The following RARA variants were observed in gnomAD, a reference collection of about 807,000 sequenced individuals.
RARA encodes the protein retinoic acid receptor alpha.
RARA carries 5 observed loss-of-function variants against 42.8 expected under a neutral mutation model. That is an observed-to-expected ratio of 0.12 (90% confidence interval 0.06 to 0.25). The LOEUF is 0.25. Among genes scored for constraint, RARA ranks in the 10% least tolerant of loss-of-function variants. The pLI, the probability that RARA is intolerant of heterozygous loss-of-function variation, is 1.00. For missense variants in RARA, 402 were observed against 628.7 expected (o/e 0.64, Z 3.86); for synonymous variants, 256 against 259.5 (o/e 0.99, Z 0.13).
intron 4 of RARA, among the ~76,000 whole-genome samples, chr17:40,350,786 A>G (rs2034418916): frequency 6.6e-6 from 1 of 150,950 alleles, no homozygotes; most frequent in Non-Finnish European, 1.5e-5. Flanking sequence ...GTCCTGCCAC[A>G]GGAGGCTGGG....
intron 2 of RARA, chr17:40,341,146 A>C: frequency 2.3e-6 from 1 of 434,818 alleles, no homozygotes; most frequent in Non-Finnish European, 3.9e-6. Flanking sequence ...TCTTCCAGTG[A>C]AACGTGCATC....
At chr17:40,343,096 CTTCTT>C in intron 2 of RARA, 2 of 767,868 alleles carry the variant, frequency 2.6e-6, no homozygotes, top group Non-Finnish European at 3.6e-6. Flanking sequence ...TTGAGAGTTC[CTTCTT>C]TCAAGCAACA....
intron 2 of RARA, 130 bp from the exon 3 acceptor site, chr17:40,348,186 A>G: frequency 8.2e-7 from 1 of 1,220,188 alleles, no homozygotes; most frequent in Non-Finnish European, 1.1e-6. Context: ...CAGTTTTCTT[A>G]AGACTTGAAT....
chr17:40,354,579 C>G lies in RARA; in HGVS notation c.1012+73C>G, dbSNP rs935298308. ...GCCCTGGAGTCTCTTCCAGGGAGCT[C>G]TTTCAGGCCACCTCTGTTAGGTATC... On this transcript the variant is annotated intron_variant, in intron 7 of 8. Coordinates refer to ENST00000254066, the MANE Select transcript of RARA (RefSeq NM_000964.4). This position sits in a 1 kb window ranked among gnomAD's most constrained non-coding sequence, Gnocchi z 4.5. 2.0e-6 allele frequency: 3 copies of G among 1,518,682 alleles called. No individual in the cohort carries two copies. The highest frequency in any genetic ancestry group is 2.7e-5 in the African/African-American group (2 of 72,996). 94.1% of individuals were successfully genotyped at this position (1,518,682 alleles called of 1,614,324 possible).
At chr17:40,315,132 GTATATATATATATATATATATATATATA>G (rs71356657) in intron 1 of RARA, among the ~76,000 whole-genome samples, 5 of 64,194 alleles carry the variant, frequency 7.8e-5, no homozygotes, top group Non-Finnish European at 1.4e-4. Flanking sequence ...GCTTATATGT[GTATATATATATATATATATATATATATA>G]TATATATATA....
At position 40,331,415 on chromosome 17, in the gene RARA, G is replaced by C; in HGVS notation, c.178+19G>C. 6.2e-7 allele frequency: 1 copy of C among 1,607,960 alleles called. No individual in the cohort carries two copies. The highest frequency in any genetic ancestry group is 8.5e-7 in the Non-Finnish European group (1 of 1,176,808). On this transcript the variant is annotated intron_variant, in intron 2 of 8. Coordinates refer to ENST00000254066, the MANE Select transcript of RARA (RefSeq NM_000964.4). ...CCAGCCAGTAAGTCTGGGTGTGGGG[G>C]CTGGGGTGGGAAGGGACTGTGGAGG...
At position 40,351,802 on chromosome 17, in the gene RARA, C is replaced by T; in HGVS notation, c.470-108C>T. The T allele has an allele frequency of 2.1e-6, 3 of 1,444,744 alleles. No individual in the cohort carries two copies. Among genetic ancestry groups the T allele is most frequent in the Non-Finnish European group, 2.8e-6 (3 of 1,075,154 alleles). The allele number at this position is 1,444,744 out of a possible 1,614,324, so 89.5% of individuals were successfully genotyped here. ...AACGCGTGCTGTGTGCGCGTGCTTA[C>T]AAGCCTGGGTGACCTCCTCAGCAGC... On this transcript the variant is annotated intron_variant, in intron 4 of 8. Coordinates refer to ENST00000254066, the MANE Select transcript of RARA (RefSeq NM_000964.4). The surrounding 1 kb of genome is among the most constrained non-coding windows in gnomAD (Gnocchi z 4.1).
chr17:40,349,587 A>G, intron 3 of RARA, 197 bp from the exon 4 acceptor site: 1 of 612,260 alleles, frequency 1.6e-6, no homozygotes, highest in South Asian at 2.0e-5. Flanking sequence ...GTGTTGAGGC[A>G]GGTACTGGGA....
At chr17:40,343,792 C>T (rs2034157822) in intron 2 of RARA, among the ~76,000 whole-genome samples, 1 of 152,102 alleles carries the variant, frequency 6.6e-6, no homozygotes, top group Non-Finnish European at 1.5e-5. Flanking sequence ...ATCCTGGCAG[C>T]CTGGTCACTT....
chr17:40,313,490 C>T (rs1567742162), intron 1 of RARA, among the ~76,000 whole-genome samples: 3 of 152,304 alleles, frequency 2.0e-5, no homozygotes, highest in East Asian at 3.9e-4. Flanking sequence ...GGCCACCATG[C>T]TGCACAGCTG....
intron 2 of RARA, among the ~76,000 whole-genome samples, chr17:40,339,065 C>T (rs1030204626): frequency 2.0e-5 from 3 of 152,206 alleles, no homozygotes; most frequent in African/African-American, 4.8e-5. Flanking sequence ...TCTAATCTCT[C>T]CTTGGCTGGG....
At chr17:40,350,894 C>G (rs1223619735) in intron 4 of RARA, among the ~76,000 whole-genome samples, 1 of 151,946 alleles carries the variant, frequency 6.6e-6, no homozygotes, top group Non-Finnish European at 1.5e-5. Flanking sequence ...GGGCTGTCAC[C>G]TCCTCCTCTC....
chr17:40,349,663 C>T (rs2034379262), intron 3 of RARA, 121 bp from the exon 4 acceptor site: 8 of 1,298,564 alleles, frequency 6.2e-6, no homozygotes, highest in Middle Eastern at 2.5e-4. Context: ...CTCAGGTAGG[C>T]GATGGGCAAA....
intron 1 of RARA, among the ~76,000 whole-genome samples, chr17:40,324,160 C>T (rs967711291): frequency 1.3e-5 from 2 of 152,208 alleles, no homozygotes; most frequent in Non-Finnish European, 2.9e-5. Context: ...GATGTGAGGT[C>T]GGTGGTTTCC....
At chr17:40,324,992 C>G (rs935084163) in intron 1 of RARA, among the ~76,000 whole-genome samples, 1 of 152,124 alleles carries the variant, frequency 6.6e-6, no homozygotes, top group Non-Finnish European at 1.5e-5. Flanking sequence ...GTGGCTCACG[C>G]CTGTAATCCC....
chr17:40,315,541 G>A (rs2033195813), intron 1 of RARA, among the ~76,000 whole-genome samples: 2 of 152,094 alleles, frequency 1.3e-5, no homozygotes, highest in South Asian at 4.1e-4. Context: ...GGAGGCTTGG[G>A]AGGGGAAGAG....
intron 2 of RARA, among the ~76,000 whole-genome samples, chr17:40,333,955 G>A (rs772097968): frequency 6.6e-6 from 1 of 152,188 alleles, no homozygotes; most frequent in Non-Finnish European, 1.5e-5. Flanking sequence ...GATTTTTGAC[G>A]GGGGAGGAGT....
rs561057507 is a variant in RARA, at chr17:40,351,422, C to G, written c.470-488C>G. 2 of 461,232 alleles carry G rather than the reference C, an allele frequency of 4.3e-6. No individual in the cohort carries two copies. The highest frequency in any genetic ancestry group is 4.9e-5 in the Admixed American group (2 of 41,102). The allele number at this position is 461,232 out of a possible 1,614,324, so 28.6% of individuals were successfully genotyped here. A position where few individuals can be genotyped will look rare whatever the true frequency, so the allele number is the denominator to read the frequency against. On this transcript the variant is annotated intron_variant, in intron 4 of 8. Coordinates refer to ENST00000254066, the MANE Select transcript of RARA (RefSeq NM_000964.4). This position sits in a 1 kb window ranked among gnomAD's most constrained non-coding sequence, Gnocchi z 4.1. ...AGCTAATGGGCCAAGAGATTCTCCC[C>G]GCCAGGTCCCCCACTCTCAGGCTGG...
At position 40,355,289 on chromosome 17, in the gene RARA, C is replaced by A. The variant is rs138717943; in HGVS notation, c.1039C>A (p.Arg347=). ...CCGCCAGGACCTGGAGCAGCCGGAC[C>A]GGGTGGACATGCTGCAGGAGCCGCT... The part of the protein sequence containing the change: ...GDRQDLEQPD[R]VDMLQEPLLE... Residue 347 remains arginine (R), a synonymous_variant, in exon 8 of 9, where the codon CGG becomes AGG. Transcript: ENST00000254066. The surrounding 1 kb of genome is among the most constrained non-coding windows in gnomAD (Gnocchi z 4.1). 9.4e-6 allele frequency: 15 copies of A among 1,592,428 alleles called. No homozygotes were observed. Among genetic ancestry groups the A allele is most frequent in the Non-Finnish European group, 1.3e-5 (15 of 1,169,314 alleles).
Sources: gnomAD v4.1 joint callset for allele counts (sites outside exome capture counted in the v4.1 genomes callset) on GRCh38, gnomAD v4.1.1 for gene constraint, Gnocchi (gnomAD v3.1) non-coding constraint, MANE v1.5 for transcripts, NCBI Gene and HGNC (gene_info 2026-07-23, HGNC 2026-07-21) for gene names.